The following XPA variants were observed in gnomAD, a reference collection of about 807,000 sequenced individuals.
XPA encodes the protein DNA repair protein complementing XP-A cells.
A neutral mutation model predicts 35.7 loss-of-function variants in XPA; 27 were observed. That is an observed-to-expected ratio of 0.76 (90% CI 0.56 to 1.04). The LOEUF (loss-of-function observed/expected upper bound fraction) is 1.04, where lower values mean the gene tolerates loss of function less well. Among genes scored for constraint, XPA ranks in the 50% least tolerant of loss-of-function variants. The probability of loss-of-function intolerance (pLI) is 0.00; values close to 1 mark genes in which losing one functional copy is unlikely to be tolerated. For missense variants in XPA, 354 were observed against 342.7 expected (o/e 1.03, Z -0.26); for synonymous variants, 133 against 118.4 (o/e 1.12, Z -0.80).
At chr9:97,671,239 T>C (rs774498695), downstream of XPA, 2 of 1,370,484 alleles carry the variant, frequency 1.5e-6, no homozygotes, top group African/African-American at 2.9e-5. Flanking sequence ...TTTTGATATC[T>C]TAAAATAATT....
At chr9:97,692,440 T>C (rs1020445572) in intron 2 of XPA, among the ~76,000 whole-genome samples, 1 of 152,192 alleles carries the variant, frequency 6.6e-6, no homozygotes, top group African/African-American at 2.4e-5. Flanking sequence ...AATCATGCTT[T>C]TTTTGTAGAA....
At chr9:97,660,036 T>A in the XPA span, among the ~76,000 whole-genome samples, 4 of 152,218 alleles carry the variant, frequency 2.6e-5, no homozygotes, top group Non-Finnish European at 4.4e-5. Context: ...TGTAAATATT[T>A]TTTAACCGTT....
chr9:97,683,594 T>A (rs1403284231), intron 5 of XPA, among the ~76,000 whole-genome samples: 5 of 152,158 alleles, frequency 3.3e-5, no homozygotes, highest in African/African-American at 9.7e-5. Context: ...TAAAAAAAAA[T>A]TTAAGGATCT....
chr9:97,658,583 T>G, the XPA span: 1 of 1,318,038 alleles, frequency 7.6e-7, no homozygotes, highest in Non-Finnish European at 1.1e-6. Context: ...AAGTCGGGTG[T>G]TACCGAAGAA....
At chr9:97,680,363 C>T (rs962222848) in intron 5 of XPA, among the ~76,000 whole-genome samples, 2 of 152,158 alleles carry the variant, frequency 1.3e-5, no homozygotes, top group Middle Eastern at 3.2e-3. Flanking sequence ...CACACACCAT[C>T]ATGCCCAGCT....
the XPA span, among the ~76,000 whole-genome samples, chr9:97,665,048 A>C: frequency 3.3e-5 from 5 of 152,250 alleles, no homozygotes; most frequent in Non-Finnish European, 5.9e-5. Context: ...TGATAGGACC[A>C]GGGCAGCAGG....
the XPA span, among the ~76,000 whole-genome samples, chr9:97,661,617 A>C: frequency 6.6e-6 from 1 of 152,128 alleles, no homozygotes; most frequent in African/African-American, 2.4e-5. Context: ...TTTTGTTTGG[A>C]TATCTCTAAG....
chr9:97,682,531 G>C, intron 5 of XPA: 1 of 485,688 alleles, frequency 2.1e-6, no homozygotes, highest in South Asian at 1.5e-5. Flanking sequence ...ACAGAACTTA[G>C]GTATTCATAT....
chr9:97,660,353 A>T, the XPA span, among the ~76,000 whole-genome samples: 2 of 152,196 alleles, frequency 1.3e-5, no homozygotes, highest in African/African-American at 4.8e-5. Context: ...AAATTTTTAT[A>T]ATAAGGACTC....
rs975081887 is a variant in XPA at position 97,684,956 on chromosome 9, T to C, written c.640A>G (p.Met214Val). Residue 214 changes from methionine to valine, a missense_variant, in exon 5 of 6, where the codon ATG becomes GTG. Met to Val is a conservative substitution (Grantham distance 21). Coordinates refer to ENST00000375128, the MANE Select transcript of XPA (RefSeq NM_000380.4). ...KEVRQENREK[M>V]KQKKFDKKVK... ...TTTTTATCAAATTTCTTCTGTTTCA[T>C]TTTTTCTCGGTTTTCCTGTCGGACT... is the stretch of plus-strand genomic sequence containing the variant. 3 of 1,613,548 alleles carry C rather than the reference T, an allele frequency of 1.9e-6. No homozygotes were observed. The highest frequency in any genetic ancestry group is 3.3e-5 in the Admixed American group (2 of 59,980).
At chr9:97,673,138 A>C (rs1302216715), downstream of XPA, 1 of 152,248 alleles carries the variant, frequency 6.6e-6, no homozygotes, top group African/African-American at 2.4e-5. Flanking sequence ...AAAAAAGAAA[A>C]AAAATATATA....
chr9:97,658,130 T>G, the XPA span, among the ~76,000 whole-genome samples: 1 of 151,888 alleles, frequency 6.6e-6, no homozygotes, highest in Admixed American at 6.6e-5. Flanking sequence ...CTCATTGCCA[T>G]TGGGGTGTCA....
the XPA span, among the ~76,000 whole-genome samples, chr9:97,657,951 C>T: frequency 7.0e-6 from 1 of 142,748 alleles, no homozygotes; most frequent in Non-Finnish European, 1.5e-5. Flanking sequence ...TTTAACGTCC[C>T]CAGCCATTCA....
chr9:97,693,561 G>A, intron 2 of XPA, 88 bp downstream of exon 2: 1 of 1,141,610 alleles, frequency 8.8e-7, no homozygotes, highest in Non-Finnish European at 1.3e-6. Context: ...AAGTAGTTAT[G>A]GCATTATTTA....
the XPA span, chr9:97,666,963 T>A: frequency 1.2e-5 from 12 of 1,023,714 alleles, no homozygotes; most frequent in Non-Finnish European, 1.6e-5. Context: ...CTTGATGATA[T>A]TTCATTTTTT....
chr9:97,658,857 C>T, the XPA span: 3 of 789,652 alleles, frequency 3.8e-6, no homozygotes, highest in South Asian at 4.7e-5. Flanking sequence ...GTTTATATTT[C>T]CTGTATTTGA....
At chr9:97,669,365 G>C in the XPA span, among the ~76,000 whole-genome samples, 1 of 152,146 alleles carries the variant, frequency 6.6e-6, no homozygotes, top group South Asian at 2.1e-4. Flanking sequence ...ACTAGGATAA[G>C]TAATTTAAGA....
chr9:97,661,577 T>C, the XPA span, among the ~76,000 whole-genome samples: 1 of 152,130 alleles, frequency 6.6e-6, no homozygotes, highest in Non-Finnish European at 1.5e-5. Context: ...AAATAAGATA[T>C]TAGTGGCCTT....
intron 4 of XPA, among the ~76,000 whole-genome samples, chr9:97,685,363 A>C (rs954013691): frequency 6.6e-6 from 1 of 152,200 alleles, no homozygotes; most frequent in African/African-American, 2.4e-5. Context: ...CACCAAAGAA[A>C]CAGTTTGTTG....
Sources: gnomAD v4.1 joint callset for allele counts (sites outside exome capture counted in the v4.1 genomes callset) on GRCh38, gnomAD v4.1.1 for gene constraint, MANE v1.5 for transcripts, NCBI Gene and HGNC (gene_info 2026-07-23, HGNC 2026-07-21) for gene names.